SPAG16: variants seen among roughly 807,000 people sequenced by gnomAD.
SPAG16 encodes sperm associated antigen 16.
In SPAG16, 86 loss-of-function variants were observed where a neutral mutation model predicts 80.4. The ratio of observed to expected loss-of-function variants is 1.07; its 90% CI spans 0.90 to 1.28. The LOEUF (loss-of-function observed/expected upper bound fraction) is 1.28, where lower values mean the gene tolerates loss of function less well. SPAG16 is among the 50% of genes most tolerant of loss of function. The pLI is 0.00. For missense variants in SPAG16, 870 were observed against 765.3 expected (o/e 1.14, Z -1.61); for synonymous variants, 294 against 265.9 (o/e 1.11, Z -1.03).
At chr2:214,225,398 A>AG (rs2058677819) in intron 15 of SPAG16, among the ~76,000 whole-genome samples, 1 of 152,184 alleles carries the variant, frequency 6.6e-6, no homozygotes, top group Non-Finnish European at 1.5e-5. Flanking sequence ...GTGATAACCC[A>AG]GGGGAAAGCT....
intron 10 of SPAG16, among the ~76,000 whole-genome samples, chr2:213,702,271 G>A (rs2065471346): frequency 6.6e-6 from 1 of 152,236 alleles, no homozygotes; most frequent in South Asian, 2.1e-4. Context: ...GGTGGGGCCA[G>A]ATAAGGGAAT....
chr2:214,122,343 T>G (rs193233143), intron 14 of SPAG16, among the ~76,000 whole-genome samples: 20 of 151,958 alleles, frequency 1.3e-4, no homozygotes, highest in Admixed American at 1.3e-3. Flanking sequence ...TGTTTTAAAT[T>G]TGATCTAAGA....
At chr2:213,510,601 C>T (rs528190853) in intron 10 of SPAG16, among the ~76,000 whole-genome samples, 2 of 152,232 alleles carry the variant, frequency 1.3e-5, no homozygotes, top group East Asian at 3.9e-4. Context: ...TTTGTTAAAG[C>T]TCAGGGACCA....
intron 15 of SPAG16, among the ~76,000 whole-genome samples, chr2:214,270,947 A>G (rs1691947427): frequency 6.6e-6 from 1 of 152,000 alleles, no homozygotes; most frequent in South Asian, 2.1e-4. Flanking sequence ...ACCTTTTTCT[A>G]CCTTTTTCCC....
At chr2:213,918,092 A>ACC (rs2078049944) in intron 11 of SPAG16, among the ~76,000 whole-genome samples, 1 of 152,180 alleles carries the variant, frequency 6.6e-6, no homozygotes, top group Non-Finnish European at 1.5e-5. Context: ...TGTATGTTCA[A>ACC]CCGAGCTTAC....
chr2:213,659,130 T>C (rs776729451), intron 10 of SPAG16, among the ~76,000 whole-genome samples: 1 of 152,236 alleles, frequency 6.6e-6, no homozygotes, highest in Non-Finnish European at 1.5e-5. Context: ...TATTCTTCAA[T>C]AGCTCTTATG....
chr2:213,453,002 A>G (rs1339318271), intron 9 of SPAG16, among the ~76,000 whole-genome samples: 2 of 152,190 alleles, frequency 1.3e-5, no homozygotes, highest in African/African-American at 4.8e-5. Context: ...GTTCCTATGC[A>G]TTCTTCAGAT....
intron 15 of SPAG16, among the ~76,000 whole-genome samples, chr2:214,329,229 A>C (rs1435412854): frequency 1.3e-5 from 2 of 152,254 alleles, no homozygotes; most frequent in Non-Finnish European, 2.9e-5. Flanking sequence ...AGATGCAGCC[A>C]ACACAGCAGA....
intron 15 of SPAG16, among the ~76,000 whole-genome samples, chr2:214,379,803 A>G (rs546244497): frequency 6.6e-6 from 1 of 151,018 alleles, no homozygotes; most frequent in African/African-American, 2.5e-5. Context: ...CATACTAACC[A>G]TGGCCCTAAG....
At chr2:213,707,306 C>T (rs531187078) in intron 10 of SPAG16, among the ~76,000 whole-genome samples, 4 of 152,282 alleles carry the variant, frequency 2.6e-5, no homozygotes, top group South Asian at 2.1e-4. Context: ...CCATTAAAAA[C>T]GTATTTCTTC....
intron 10 of SPAG16, among the ~76,000 whole-genome samples, chr2:213,749,469 G>T (rs2067984961): frequency 6.6e-6 from 1 of 152,082 alleles, no homozygotes. Flanking sequence ...ATCTTGTAAG[G>T]GTGACGTGAC....
chr2:214,104,120 T>C (rs1235070273), intron 13 of SPAG16, among the ~76,000 whole-genome samples: 1 of 152,114 alleles, frequency 6.6e-6, no homozygotes, highest in African/African-American at 2.4e-5. Flanking sequence ...GGGGTCTCTA[T>C]CTTTAGGGTT....
chr2:213,931,057 T>C (rs1347025364), intron 12 of SPAG16, among the ~76,000 whole-genome samples: 1 of 150,924 alleles, frequency 6.6e-6, no homozygotes, highest in Non-Finnish European at 1.5e-5. Flanking sequence ...GGGTGGTAGC[T>C]CTTTCTTGAA....
intron 15 of SPAG16, among the ~76,000 whole-genome samples, chr2:214,280,308 A>G (rs1367934723): frequency 2.6e-5 from 4 of 152,248 alleles, no homozygotes; most frequent in Non-Finnish European, 5.9e-5. Context: ...AGACTTATCT[A>G]TAGATTAAAT....
At chr2:213,559,176 C>G (rs567595023) in intron 10 of SPAG16, among the ~76,000 whole-genome samples, 4 of 152,036 alleles carry the variant, frequency 2.6e-5, no homozygotes, top group African/African-American at 9.7e-5. Context: ...GTTTTCTATG[C>G]CTGTCTCTTC....
At chr2:213,463,793 C>T (rs1290066278) in intron 9 of SPAG16, among the ~76,000 whole-genome samples, 1 of 152,234 alleles carries the variant, frequency 6.6e-6, no homozygotes, top group Non-Finnish European at 1.5e-5. Context: ...AGCCCCCATA[C>T]AGAGGCCCCA....
At chr2:213,640,384 G>C (rs957096093) in intron 10 of SPAG16, among the ~76,000 whole-genome samples, 1 of 152,104 alleles carries the variant, frequency 6.6e-6, no homozygotes, top group African/African-American at 2.4e-5. Flanking sequence ...TATGTCAGTG[G>C]AAAGATCTGG....
intron 1 of SPAG16, among the ~76,000 whole-genome samples, chr2:213,289,097 T>C (rs1266123220): frequency 2.0e-5 from 3 of 152,348 alleles, no homozygotes; most frequent in East Asian, 3.8e-4. Context: ...AAATAAATAT[T>C]CTAATTCAAT....
intron 10 of SPAG16, among the ~76,000 whole-genome samples, chr2:213,518,423 GT>G (rs924881459): frequency 3.3e-5 from 5 of 151,630 alleles, no homozygotes; most frequent in Admixed American, 6.6e-5. Flanking sequence ...GCTGAGGCAG[GT>G]TTTTTTTTCC....
Sources: allele counts gnomAD v4.1 joint callset (sites outside exome capture counted in the v4.1 genomes callset), GRCh38; gene constraint gnomAD v4.1.1; transcripts MANE v1.5; gene names NCBI Gene and HGNC (gene_info 2026-07-23, HGNC 2026-07-21).